Variants in KRTAP10-10 observed in about 807,000 individuals in gnomAD.
KRTAP10-10 encodes keratin associated protein 10-10.
For missense variants in KRTAP10-10, 324 were observed against 319.9 expected, an observed-to-expected ratio of 1.01 and a Z score of -0.10; for synonymous variants, 139 against 137.6, an observed-to-expected ratio of 1.01 and a Z score of -0.07.
Position 44,637,914 on chromosome 21 carries a change from C to T in KRTAP10-10, c.497C>T (p.Thr166Ile), listed in dbSNP as rs782819512. 1 of 1,612,096 alleles carries T rather than the reference C, an allele frequency of 6.2e-7. No individual in the cohort carries two copies. The highest frequency in any genetic ancestry group is 8.5e-7 in the Non-Finnish European group (1 of 1,178,576). The change falls in exon 1 of 1, where the codon ACT becomes ATT. Residue 166 changes from threonine to isoleucine, a missense_variant. Physicochemically the swap from Thr to Ile is moderately conservative, Grantham distance 89 (BLOSUM62 -1). Transcript: ENST00000380095. The part of the protein sequence containing the change: ...CYVPVCSGAS[T>I]SCCQQSSCQP... ...GTGCCTGTGTGCTCTGGGGCTTCCA[C>T]TTCATGCTGCCAGCAGTCTAGCTGC...
chr21:44,637,884 G>T lies in KRTAP10-10; in HGVS notation c.467G>T (p.Cys156Phe), dbSNP rs782538046. The T allele has an allele frequency of 6.5e-7, 1 of 1,533,690 alleles. No homozygotes were observed. The highest frequency in any genetic ancestry group is 8.9e-7 in the Non-Finnish European group (1 of 1,127,000). ...GTGCCTGTCTGCTCTAAGTCCGTCT[G>T]CTATGTGCCTGTGTGCTCTGGGGCT... ...CCVPVCSKSV[C>F]YVPVCSGAST... is the part of the protein sequence containing the mutation. Residue 156 changes from cysteine to phenylalanine, a missense_variant, in exon 1 of 1, where the codon TGC becomes TTC. Coordinates refer to ENST00000380095, the MANE Select transcript of KRTAP10-10 (RefSeq NM_181688.3).
rs782551121 is a variant in KRTAP10-10 at position 44,637,376 on chromosome 21, C to A, written c.-42C>A. Reference sequence around the variant, plus strand: ...ACACACACTCACTCACACACTCACTCACTCACACACCTCCCCCAGCTCACC... The same window carrying A: ...ACACACACTCACTCACACACTCACTAACTCACACACCTCCCCCAGCTCACC... On this transcript the variant is annotated 5_prime_UTR_variant, in exon 1 of 1. Transcript: ENST00000380095. 11 of 1,579,458 alleles carry A rather than the reference C, an allele frequency of 7.0e-6. No homozygotes were observed. The Middle Eastern group carries it at 6.2e-4, about 88-fold the overall frequency.
Position 44,637,626 on chromosome 21 carries a change from G to A in KRTAP10-10, c.209G>A (p.Cys70Tyr). The A allele has an allele frequency of 6.2e-7, 1 of 1,613,938 alleles. No homozygotes were observed. The highest frequency in any genetic ancestry group is 8.5e-7 in the Non-Finnish European group (1 of 1,179,930). Residue 70 changes from cysteine (C) to tyrosine (Y), a missense_variant, in exon 1 of 1, where the codon TGC becomes TAC. Transcript: ENST00000380095. ...TGCCAATCAGGCTACACCAGCTCCT[G>A]CACAACCCCATGCTACCAGCAGTCT... Reference protein sequence around the residue: ...SACQSGYTSSCTTPCYQQSSC... With the variant: ...SACQSGYTSSYTTPCYQQSSC...
chr21:44,637,518 C>T lies in KRTAP10-10; in HGVS notation c.101C>T (p.Pro34Leu), dbSNP rs2146219477. The T allele has an allele frequency of 6.2e-7, 1 of 1,613,530 alleles. No homozygotes were observed. ...ESCCEPCCCAPAPSLTLVCTP... is the reference protein window; with the variant it reads ...ESCCEPCCCALAPSLTLVCTP... ...TGCTGCGAGCCCTGCTGCTGTGCCC[C>T]AGCCCCCAGCTTGACCCTGGTCTGC... is the stretch of plus-strand genomic sequence containing the variant. Residue 34 changes from proline to leucine, a missense_variant, in exon 1 of 1, where the codon CCA (proline) becomes CTA (leucine). By Grantham distance (98) the Pro-to-Leu change is moderately conservative. Coordinates refer to ENST00000380095, the MANE Select transcript of KRTAP10-10 (RefSeq NM_181688.3).
rs782261871 is a variant in KRTAP10-10, at chr21:44,637,750, G to A, written c.333G>A (p.Lys111=). Residue 111 remains lysine, a synonymous_variant, in exon 1 of 1, where the codon AAG becomes AAA. Transcript: ENST00000380095. ...VPVCCVPVCN[K]PVCFVPTCSE... is the part of the protein sequence containing the mutation. ...TCTGCTGCGTGCCCGTCTGTAACAA[G>A]CCTGTGTGCTTCGTGCCTACCTGCT... 1.6e-5 allele frequency: 21 copies of A among 1,338,516 alleles called. No homozygotes were observed. The highest frequency in any genetic ancestry group is 1.9e-4 in the Middle Eastern group (1 of 5,158). 82.9% of individuals were successfully genotyped at this position (1,338,516 alleles called of 1,614,324 possible).
At position 44,638,140 on chromosome 21, in the gene KRTAP10-10, C is replaced by T. The variant is rs782803611; in HGVS notation, c.723C>T (p.Tyr241=). ...CCGTGTGCTCCCGCCCTGCCTGCTA[C>T]AGCCTCTGCTCTGGCCAGAAGTCCA... ...CRPVCSRPAC[Y]SLCSGQKSSC The change falls in exon 1 of 1, where the codon TAC becomes TAT. Residue 241 remains tyrosine, a synonymous_variant. Transcript: ENST00000380095. 2.5e-6 allele frequency: 4 copies of T among 1,612,892 alleles called. No homozygotes were observed. Among genetic ancestry groups the T allele is most frequent in the Non-Finnish European group, 3.4e-6 (4 of 1,179,458 alleles).
rs1983697558 is a variant in KRTAP10-10 at position 44,637,646 on chromosome 21, C to G, written c.229C>G (p.Gln77Glu). The G allele has an allele frequency of 6.3e-7, 1 of 1,579,404 alleles. No individual in the cohort carries two copies. The highest frequency in any genetic ancestry group is 1.4e-5 in the African/African-American group (1 of 72,838). Residue 77 changes from glutamine to glutamate, a missense_variant, in exon 1 of 1, where the codon CAG becomes GAG. Gln to Glu is a conservative substitution (Grantham distance 29, BLOSUM62 2). Transcript: ENST00000380095. ...CTCCTGCACAACCCCATGCTACCAG[C>G]AGTCTAGCTGCCAGCCGGATTGCTG... is the stretch of plus-strand genomic sequence containing the variant. Reference protein sequence around the residue: ...TSSCTTPCYQQSSCQPDCCTS... With the variant: ...TSSCTTPCYQESSCQPDCCTS...
At position 44,637,407 on chromosome 21, in the gene KRTAP10-10, C is replaced by A. The variant is rs200886500; in HGVS notation, c.-11C>A. The A allele has an allele frequency of 6.3e-7, 1 of 1,596,120 alleles. No individual in the cohort carries two copies. Among genetic ancestry groups the A allele is most frequent in the South Asian group, 1.2e-5 (1 of 86,490 alleles). ...CACACCTCCCCCAGCTCACCGCCTC[C>A]CCACTCCAGCATGGCCGCCTCCACC... On this transcript the variant is annotated 5_prime_UTR_variant, in exon 1 of 1. Coordinates refer to ENST00000380095, the MANE Select transcript of KRTAP10-10 (RefSeq NM_181688.3).
rs423120 is a variant in KRTAP10-10, at chr21:44,637,526, A to T, written c.109A>T (p.Ser37Cys). Residue 37 changes from serine (S) to cysteine (C), a missense_variant, in exon 1 of 1, where the codon AGC (serine) becomes TGC (cysteine). Transcript: ENST00000380095. ...CEPCCCAPAP[S>C]LTLVCTPVSC... ...GCCCTGCTGCTGTGCCCCAGCCCCC[A>T]GCTTGACCCTGGTCTGCACCCCAGT... 2.1e-4 allele frequency: 343 copies of T among 1,613,392 alleles called. No individual in the cohort carries two copies. The African/African-American group carries it at 3.7e-3, about 17-fold the overall frequency.
chr21:44,637,879 C>A lies in KRTAP10-10; in HGVS notation c.462C>A (p.Ser154=). Residue 154 remains serine (S), a synonymous_variant, in exon 1 of 1, where the codon TCC becomes TCA. Transcript: ENST00000380095. ...QACCVPVCSK[S]VCYVPVCSGA... is the part of the protein sequence containing the mutation. ...GCTGTGTGCCTGTCTGCTCTAAGTC[C>A]GTCTGCTATGTGCCTGTGTGCTCTG... The A allele has an allele frequency of 6.5e-7, 1 of 1,528,706 alleles. No individual in the cohort carries two copies. The highest frequency in any genetic ancestry group is 1.7e-4 in the Middle Eastern group (1 of 5,824). The allele number at this position is 1,528,706 out of a possible 1,614,324, so 94.7% of individuals were successfully genotyped here. A position where few individuals can be genotyped will look rare whatever the true frequency, so the allele number is the denominator to read the frequency against.
chr21:44,637,465 T>G lies in KRTAP10-10; in HGVS notation c.48T>G (p.Ser16=), dbSNP rs782318243. The G allele has an allele frequency of 6.2e-7, 1 of 1,613,078 alleles. No homozygotes were observed. Among genetic ancestry groups the G allele is most frequent in the East Asian group, 2.2e-5 (1 of 44,852 alleles). ...TCTGCTCCAGCGCCTGCACTGACTC[T>G]TGGCGGGTAGTCGACTGCCCAGAGA... ...MSICSSACTD[S]WRVVDCPESC... is the part of the protein sequence containing the mutation. Residue 16 remains serine (S), a synonymous_variant, in exon 1 of 1, where the codon TCT becomes TCG. Transcript: ENST00000380095.
rs202097605 is a variant in KRTAP10-10 at position 44,637,908 on chromosome 21, C to T, written c.491C>T (p.Ala164Val). ...TGCTATGTGCCTGTGTGCTCTGGGG[C>T]TTCCACTTCATGCTGCCAGCAGTCT... ...SVCYVPVCSGASTSCCQQSSC... is the reference protein window; with the variant it reads ...SVCYVPVCSGVSTSCCQQSSC... Residue 164 changes from alanine (A) to valine (V), a missense_variant, in exon 1 of 1, where the codon GCT (alanine) becomes GTT (valine). Coordinates refer to ENST00000380095, the MANE Select transcript of KRTAP10-10 (RefSeq NM_181688.3). The T allele has an allele frequency of 1.4e-5, 21 of 1,530,968 alleles. No homozygotes were observed. The highest frequency in any genetic ancestry group is 1.7e-5 in the Non-Finnish European group (19 of 1,125,814). The allele number at this position is 1,530,968 out of a possible 1,614,324, so 94.8% of individuals were successfully genotyped here.
rs948259447 is a variant in KRTAP10-10, at chr21:44,638,094, G to C, written c.677G>C (p.Cys226Ser). The C allele has an allele frequency of 3.7e-6, 6 of 1,613,432 alleles. No homozygotes were observed. The highest frequency in any genetic ancestry group is 4.5e-5 in the East Asian group (2 of 44,856). The change falls in exon 1 of 1, where the codon TGT becomes TCT. Residue 226 changes from cysteine (C) to serine (S), a missense_variant. Coordinates refer to ENST00000380095, the MANE Select transcript of KRTAP10-10 (RefSeq NM_181688.3). ...CCCAGCTGCTGCCGCACGGCCTCCT[G>C]TGTTTCCCTCCTCTGCCGCCCCGTG... ...CQPSCCRTASCVSLLCRPVCS... is the reference protein window; with the variant it reads ...CQPSCCRTASSVSLLCRPVCS...
At position 44,637,778 on chromosome 21, in the gene KRTAP10-10, G is replaced by A. The variant is rs148816939; in HGVS notation, c.361G>A (p.Glu121Lys). Residue 121 changes from glutamate (E) to lysine (K), a missense_variant, in exon 1 of 1, where the codon GAG becomes AAG. Coordinates refer to ENST00000380095, the MANE Select transcript of KRTAP10-10 (RefSeq NM_181688.3). The part of the protein sequence containing the change: ...KPVCFVPTCS[E>K]SSPSCCQQSS... ...TGTGTGCTTCGTGCCTACCTGCTCC[G>A]AGTCTTCCCCTTCATGCTGCCAGCA... 1.6e-5 allele frequency: 22 copies of A among 1,353,738 alleles called. No individual in the cohort carries two copies. The African/African-American group carries it at 2.3e-4, about 14-fold the overall frequency. 83.9% of individuals were successfully genotyped at this position (1,353,738 alleles called of 1,614,324 possible). A position where few individuals can be genotyped will look rare whatever the true frequency, so the allele number is the denominator to read the frequency against.
rs1983731328 is a variant in KRTAP10-10 at position 44,637,805 on chromosome 21, T to G, written c.388T>G (p.Ser130Ala). 7.3e-7 allele frequency: 1 copy of G among 1,368,300 alleles called. No individual in the cohort carries two copies. The highest frequency in any genetic ancestry group is 1.6e-5 in the African/African-American group (1 of 64,128). The allele number at this position is 1,368,300 out of a possible 1,614,324, so 84.8% of individuals were successfully genotyped here. The change falls in exon 1 of 1, where the codon TCT becomes GCT. Residue 130 changes from serine to alanine, a missense_variant. By Grantham distance (99) the Ser-to-Ala change is moderately conservative (BLOSUM62 1). Coordinates refer to ENST00000380095, the MANE Select transcript of KRTAP10-10 (RefSeq NM_181688.3). ...SESSPSCCQQ[S>A]SCQPTCCTSS... Reference sequence around the variant, plus strand: ...GTCTTCCCCTTCATGCTGCCAGCAGTCTAGCTGCCAGCCAACTTGCTGCAC... The same window carrying G: ...GTCTTCCCCTTCATGCTGCCAGCAGGCTAGCTGCCAGCCAACTTGCTGCAC...
In KRTAP10-10 at chr21:44,637,457, A is replaced by C. The variant is rs782257617; in HGVS notation, c.40A>C (p.Thr14Pro). ...STMSICSSAC[T>P]DSWRVVDCPE... ...CATGTCCATCTGCTCCAGCGCCTGC[A>C]CTGACTCTTGGCGGGTAGTCGACTG... Residue 14 changes from threonine (T) to proline (P), a missense_variant, in exon 1 of 1, where the codon ACT becomes CCT. Transcript: ENST00000380095. The C allele has an allele frequency of 2.3e-5, 37 of 1,612,748 alleles. 1 individual carries two copies. In the South Asian group the frequency reaches 4.0e-4, roughly 17 times the overall value.
At position 44,637,999 on chromosome 21, in the gene KRTAP10-10, C is replaced by T. The variant is rs782269194; in HGVS notation, c.582C>T (p.Cys194=). The T allele has an allele frequency of 6.2e-6, 10 of 1,613,854 alleles. No individual in the cohort carries two copies. In the Admixed American group the frequency reaches 6.7e-5, roughly 11 times the overall value. ...CCTCCTCCTCCGTGTCCCTCCTCTG[C>T]CACCCTGTGTGCAAGTCCACCTGCT... is the stretch of plus-strand genomic sequence containing the variant. ...CRPSSSVSLL[C]HPVCKSTCCV... Residue 194 remains cysteine (C), a synonymous_variant, in exon 1 of 1, where the codon TGC becomes TGT. Coordinates refer to ENST00000380095, the MANE Select transcript of KRTAP10-10 (RefSeq NM_181688.3).
In KRTAP10-10 at chr21:44,638,408, G is replaced by C. The variant is rs1466802920; in HGVS notation, c.*235G>C. 5 of 395,544 alleles carry C rather than the reference G, an allele frequency of 1.3e-5. No homozygotes were observed. The Admixed American group carries it at 2.2e-4, about 18-fold the overall frequency. 24.5% of individuals were successfully genotyped at this position (395,544 alleles called of 1,614,324 possible). Reference sequence around the variant, plus strand: ...CCCCAGCAGGCCTGGTTCCACCCTGGGCAGCACCCCCTCTAGTTCTAATAA... The same window carrying C: ...CCCCAGCAGGCCTGGTTCCACCCTGCGCAGCACCCCCTCTAGTTCTAATAA... On this transcript the variant is annotated 3_prime_UTR_variant, in exon 1 of 1. Coordinates refer to ENST00000380095, the MANE Select transcript of KRTAP10-10 (RefSeq NM_181688.3).
rs200494474 is a variant in KRTAP10-10, at chr21:44,637,401, C to T, written c.-17C>T. On this transcript the variant is annotated 5_prime_UTR_variant, in exon 1 of 1. Transcript: ENST00000380095. ...CACTCACACACCTCCCCCAGCTCAC[C>T]GCCTCCCCACTCCAGCATGGCCGCC... 189 of 1,591,716 alleles carry T rather than the reference C, an allele frequency of 1.2e-4. 1 individual carries two copies. The South Asian group carries it at 1.9e-3, about 16-fold the overall frequency.
Sources: gnomAD v4.1 joint callset for allele counts on GRCh38, gnomAD v4.1.1 for gene constraint, MANE v1.5 for transcripts, NCBI Gene and HGNC (gene_info 2026-07-23, HGNC 2026-07-21) for gene names.